RDH13: variants seen among roughly 807,000 people sequenced by gnomAD.
RDH13 encodes the protein retinol dehydrogenase 13 (all-trans and 9-cis).
A neutral mutation model predicts 28.3 loss-of-function variants in RDH13; 35 were observed. That is an observed-to-expected ratio of 1.24 (90% CI 0.95 to 1.64). RDH13 has a LOEUF of 1.64. Ranked by LOEUF, RDH13 falls within the 40% of genes most tolerant of loss-of-function variation. The probability of loss-of-function intolerance (pLI) is 0.00; values close to 1 mark genes in which losing one functional copy is unlikely to be tolerated. For missense variants in RDH13, 514 were observed against 446.3 expected (o/e 1.15, Z -1.37); for synonymous variants, 229 against 198.5 (o/e 1.15, Z -1.29).
At chr19:55,066,143 C>T (rs895383775), upstream of RDH13, among the ~76,000 whole-genome samples, 6 of 152,182 alleles carry the variant, frequency 3.9e-5, no homozygotes, top group Admixed American at 2.0e-4. Context: ...CATGCATATT[C>T]CTCCTCTGAG....
rs1342727611 is a variant in RDH13 at position 55,063,095 on chromosome 19, C to G, written c.-63G>C. On this transcript the variant is annotated 5_prime_UTR_variant, in exon 1 of 7. Transcript: ENST00000415061. ...CGCGGAGCTTGCTGCACACCAGCCG[C>G]CTGGGTAGCTCCGAGGAAGAGCGCG... The G allele has an allele frequency of 1.6e-6, 2 of 1,258,574 alleles. No individual in the cohort carries two copies. The highest frequency in any genetic ancestry group is 3.2e-5 in the East Asian group (1 of 31,694). The allele number at this position is 1,258,574 out of a possible 1,614,324, so 78.0% of individuals were successfully genotyped here. A position where few individuals can be genotyped will look rare whatever the true frequency, so the allele number is the denominator to read the frequency against.
chr19:55,043,732 C>G (rs1033309310), downstream of RDH13, among the ~76,000 whole-genome samples: 3 of 152,068 alleles, frequency 2.0e-5, no homozygotes, highest in Non-Finnish European at 4.4e-5. Context: ...AATATGAAAA[C>G]ATGTTTTCTA....
upstream of RDH13, chr19:55,067,385 C>T (rs148074939): frequency 2.0e-5 from 3 of 152,240 alleles, no homozygotes; most frequent in Admixed American, 6.5e-5. Context: ...CCATGTGAGC[C>T]GGCAAGATTT....
At chr19:55,043,877 T>C (rs1453378820), downstream of RDH13, among the ~76,000 whole-genome samples, 1 of 151,998 alleles carries the variant, frequency 6.6e-6, no homozygotes, top group Non-Finnish European at 1.5e-5. Flanking sequence ...GGTTATTTCC[T>C]GTGAAACAGG....
At chr19:55,064,434 TA>T (rs368621124), upstream of RDH13, 7 of 151,360 alleles carry the variant, frequency 4.6e-5, no homozygotes, top group African/African-American at 1.7e-4. Context: ...AAAAAAACCT[TA>T]GGCCTGTAGA....
At chr19:55,047,747 G>C (rs2075286444) in intron 5 of RDH13, among the ~76,000 whole-genome samples, 1 of 152,206 alleles carries the variant, frequency 6.6e-6, no homozygotes, top group Non-Finnish European at 1.5e-5. Context: ...GCCTGCATCG[G>C]TGCGTGGCGG....
intron 1 of RDH13, 42 bp downstream of exon 1, chr19:55,062,926 G>A: frequency 2.1e-6 from 3 of 1,407,772 alleles, no homozygotes; most frequent in Non-Finnish European, 2.8e-6. Flanking sequence ...CCTGCGCTGG[G>A]GGCCCGCCTT....
intron 1 of RDH13, among the ~76,000 whole-genome samples, chr19:55,061,669 G>A (rs1425852331): frequency 6.6e-6 from 1 of 151,960 alleles, no homozygotes; most frequent in Non-Finnish European, 1.5e-5. Context: ...GTGCACGCCT[G>A]TAGAGTCAGC....
rs199702727 is a variant in RDH13 at position 55,046,259 on chromosome 19, CATTT to C, written c.761-954_761-951del. On this transcript the variant is annotated intron_variant, in intron 6 of 6. Transcript: ENST00000415061. ...AAACTCCGTCTCAAAAAAAAAAAGACATTTATTTATTTATTTATTGAGACCTGGT... is the reference window on the plus strand; with the variant it reads ...AAACTCCGTCTCAAAAAAAAAAAGACATTTATTTATTTATTGAGACCTGGT... 4.4e-4 allele frequency among the ~76,000 whole-genome samples: 61 copies of C among 140,088 alleles called. 1 individual carries two copies. Among genetic ancestry groups the C allele is most frequent in the African/African-American group, 1.5e-3 (57 of 37,820 alleles). The allele number at this position is 140,088 out of a possible 152,430, so 91.9% of individuals were successfully genotyped here. A position where few individuals can be genotyped will look rare whatever the true frequency, so the allele number is the denominator to read the frequency against.
intron 3 of RDH13, among the ~76,000 whole-genome samples, chr19:55,049,695 G>A (rs567044519): frequency 3.3e-5 from 5 of 151,824 alleles, no homozygotes; most frequent in South Asian, 2.1e-4. Context: ...AGGCTGAGGC[G>A]GGAAAATCGC....
intron 5 of RDH13, chr19:55,047,943 ACC>A (rs2075292633): frequency 1.2e-6 from 1 of 817,756 alleles, no homozygotes; most frequent in Non-Finnish European, 1.8e-6. Flanking sequence ...CTGGGCCTTT[ACC>A]CTCCAGATGC....
At chr19:55,045,766 T>A (rs535902183) in intron 6 of RDH13, among the ~76,000 whole-genome samples, 1 of 136,528 alleles carries the variant, frequency 7.3e-6, no homozygotes, top group South Asian at 2.4e-4. Context: ...GCCAACATGG[T>A]GAAACCCCAT....
chr19:55,064,655 C>T (rs1350373466), upstream of RDH13, among the ~76,000 whole-genome samples: 2 of 150,972 alleles, frequency 1.3e-5, no homozygotes, highest in Non-Finnish European at 2.9e-5. Flanking sequence ...ACTGTGTCAC[C>T]CAGGCTGGAG....
rs921814614 is a variant in RDH13, at chr19:55,044,953, G to A, written c.*121C>T. The A allele has an allele frequency of 2.7e-5, 19 of 710,900 alleles. No homozygotes were observed. Among genetic ancestry groups the A allele is most frequent in the South Asian group, 7.4e-5 (4 of 54,084 alleles). 44.0% of individuals were successfully genotyped at this position (710,900 alleles called of 1,614,324 possible). The stretch of plus-strand genomic sequence containing the variant: ...AGCACCGCCCCCTAGAACCTACTGC[G>A]GGCATGGCGGCCGCCAGTCCTGGGT... On this transcript the variant is annotated 3_prime_UTR_variant, in exon 7 of 7. Transcript: ENST00000415061.
chr19:55,063,045 A>ACAGCAGT lies in RDH13; in HGVS notation c.-14_-13insACTGCTG. ...GGTAGCGGCTCATGCCGGGCCGGGG[A>ACAGCAGT]CAGGCGTCAGGCGTCAGGGGTCGGC... On this transcript the variant is annotated 5_prime_UTR_variant, in exon 1 of 7. Transcript: ENST00000415061. 1 of 1,241,892 alleles carries ACAGCAGT rather than the reference A, an allele frequency of 8.1e-7. No homozygotes were observed. The allele number at this position is 1,241,892 out of a possible 1,614,324, so 76.9% of individuals were successfully genotyped here.
At chr19:55,059,136 C>G in intron 2 of RDH13, 21 bp downstream of exon 2, 1 of 1,478,512 alleles carries the variant, frequency 6.8e-7, no homozygotes, top group Non-Finnish European at 9.3e-7. Flanking sequence ...TCTCTGAGAG[C>G]CAAAGCAGGG....
At position 55,058,922 on chromosome 19, in the gene RDH13, G is replaced by A. The variant is rs540504198; in HGVS notation, c.184+235C>T. On this transcript the variant is annotated intron_variant, in intron 2 of 6. Transcript: ENST00000415061. ...TCTCGAACTCCTGACCTCGTGATCC[G>A]CCAGCTTTGGCCTCCCAAAGTACTG... Among the ~76,000 whole-genome samples the A allele has an allele frequency of 3.9e-5, 6 of 152,310 alleles. No homozygotes were observed. In the East Asian group the frequency reaches 7.7e-4, roughly 20 times the overall value.
chr19:55,056,576 C>T, intron 3 of RDH13, 77 bp downstream of exon 3: 1 of 1,533,308 alleles, frequency 6.5e-7, no homozygotes, highest in Non-Finnish European at 8.8e-7. Flanking sequence ...AGTTTGCTTG[C>T]TTCATTCACT....
chr19:55,064,358 T>C (rs1482116078), upstream of RDH13: 1 of 150,590 alleles, frequency 6.6e-6, no homozygotes, highest in Non-Finnish European at 1.5e-5. Flanking sequence ...GAGGTGGAGG[T>C]TGCAGTGAGC....
Sources: gnomAD v4.1 joint callset for allele counts (sites outside exome capture counted in the v4.1 genomes callset) on GRCh38, gnomAD v4.1.1 for gene constraint, MANE v1.5 for transcripts, NCBI Gene and HGNC (gene_info 2026-07-23, HGNC 2026-07-21) for gene names.